CLASP2: variants seen among roughly 807,000 people sequenced by gnomAD.
CLASP2 encodes the protein CLIP-associating protein 2.
Under a neutral mutation model 194.4 loss-of-function variants are expected in CLASP2, and 47 were observed. The ratio of observed to expected loss-of-function variants is 0.24; its 90% CI spans 0.19 to 0.31. The LOEUF (loss-of-function observed/expected upper bound fraction) is 0.31. Among genes scored for constraint, CLASP2 ranks in the 10% least tolerant of loss-of-function variants. The pLI is 1.00. For synonymous variants in CLASP2, 619 were observed against 633.5 expected, an observed-to-expected ratio of 0.98 and a Z score of 0.34; for missense variants, 1,445 against 1,823.6, an observed-to-expected ratio of 0.79 and a Z score of 3.78.
intron 18 of CLASP2, 50 bp downstream of exon 18, chr3:33,602,902 A>C: frequency 3.3e-6 from 5 of 1,519,276 alleles, no homozygotes; most frequent in African/African-American, 1.4e-5. Flanking sequence ...TTGTCTTCAC[A>C]GAGATCAGGG....
intron 3 of CLASP2, 42 bp from the exon 4 acceptor site, chr3:33,688,410 T>C: frequency 7.5e-7 from 1 of 1,331,396 alleles, no homozygotes; most frequent in Admixed American, 2.2e-5. Context: ...AAAAACTAAA[T>C]TATTCATGTT....
At chr3:33,506,277 C>T (rs2048143477) in intron 37 of CLASP2, among the ~76,000 whole-genome samples, 1 of 142,842 alleles carries the variant, frequency 7.0e-6, no homozygotes, top group African/African-American at 2.6e-5. Flanking sequence ...ACTCAGGAGG[C>T]TGAGACAGGA....
chr3:33,507,193 TC>T (rs2048503819), intron 37 of CLASP2, among the ~76,000 whole-genome samples: 1 of 152,228 alleles, frequency 6.6e-6, no homozygotes. Flanking sequence ...TGCCTCAGCT[TC>T]CCAGAGTGCT....
intron 37 of CLASP2, chr3:33,504,375 G>A (rs750228626): frequency 6.6e-6 from 1 of 152,102 alleles, no homozygotes; most frequent in Non-Finnish European, 1.5e-5. Flanking sequence ...TACGGTATGT[G>A]GTCACTGAAG....
intron 21 of CLASP2, chr3:33,588,757 G>T: frequency 1.4e-6 from 1 of 701,958 alleles, no homozygotes. Flanking sequence ...GGCAGAATTA[G>T]GGTAAGGATT....
chr3:33,539,142 T>G (rs928932159), intron 32 of CLASP2, among the ~76,000 whole-genome samples, 200 bp from the exon 33 acceptor site: 1 of 152,196 alleles, frequency 6.6e-6, no homozygotes, highest in South Asian at 2.1e-4. Flanking sequence ...CACCTTACAG[T>G]TACTCTAGAA....
chr3:33,534,189 A>G (rs1040095483), intron 34 of CLASP2, among the ~76,000 whole-genome samples: 2 of 152,198 alleles, frequency 1.3e-5, no homozygotes, highest in African/African-American at 4.8e-5. Flanking sequence ...GTATAGTTAT[A>G]TATTACTATA....
At position 33,497,234 on chromosome 3, in the gene CLASP2, TAAAC is replaced by T. The variant is rs1269595443; in HGVS notation, c.*1393_*1396del. 2 of 152,504 alleles carry T rather than the reference TAAAC, an allele frequency of 1.3e-5. No homozygotes were observed. The highest frequency in any genetic ancestry group is 2.9e-5 in the Non-Finnish European group (2 of 68,010). The allele number at this position is 152,504 out of a possible 1,614,324, so 9.4% of individuals were successfully genotyped here. ...CATATATTTCTACATTTTTTTCAGT[TAAAC>T]AAAGTACAGATAACTCTGCAACAAT... On this transcript the variant is annotated 3_prime_UTR_variant, in exon 39 of 39. Coordinates refer to ENST00000682230, the MANE Select transcript of CLASP2 (RefSeq NM_001365631.1).
chr3:33,594,277 A>G (rs1010933500), intron 20 of CLASP2, among the ~76,000 whole-genome samples: 2 of 152,232 alleles, frequency 1.3e-5, no homozygotes, highest in Non-Finnish European at 2.9e-5. Flanking sequence ...ATAGTCATCC[A>G]CGTAAAACTT....
chr3:33,684,561 G>T, intron 5 of CLASP2, 105 bp from the exon 6 acceptor site: 1 of 625,522 alleles, frequency 1.6e-6, no homozygotes, highest in Non-Finnish European at 2.6e-6. Context: ...GCTCTAAGTG[G>T]ATTTTAATGC....
intron 34 of CLASP2, among the ~76,000 whole-genome samples, chr3:33,526,796 C>A (rs2054683321): frequency 6.6e-6 from 1 of 151,962 alleles, no homozygotes; most frequent in Admixed American, 6.6e-5. Flanking sequence ...GACCACAGCA[C>A]AATAAAAATA....
intron 18 of CLASP2, among the ~76,000 whole-genome samples, chr3:33,601,977 T>C (rs1188590313): frequency 6.6e-6 from 1 of 152,104 alleles, no homozygotes; most frequent in Non-Finnish European, 1.5e-5. Context: ...TGAGCATCCC[T>C]AGGCATTGCT....
At chr3:33,631,158 A>T (rs957782693) in intron 9 of CLASP2, among the ~76,000 whole-genome samples, 1 of 152,182 alleles carries the variant, frequency 6.6e-6, no homozygotes, top group Admixed American at 6.5e-5. Context: ...TTTCAAATAG[A>T]CATGCTAAAG....
intron 9 of CLASP2, among the ~76,000 whole-genome samples, chr3:33,632,009 T>C (rs2079180834): frequency 1.3e-5 from 2 of 152,204 alleles, no homozygotes; most frequent in Non-Finnish European, 2.9e-5. Flanking sequence ...ACTTCTATCA[T>C]CAACTAATCT....
At chr3:33,565,796 A>G (rs2062627236) in intron 27 of CLASP2, among the ~76,000 whole-genome samples, 3 of 151,886 alleles carry the variant, frequency 2.0e-5, no homozygotes, top group African/African-American at 7.2e-5. Flanking sequence ...TGGGTGAAAG[A>G]GCGAGACTCC....
At chr3:33,607,869 C>T (rs1464558680) in intron 14 of CLASP2, among the ~76,000 whole-genome samples, 1 of 152,046 alleles carries the variant, frequency 6.6e-6, no homozygotes, top group East Asian at 1.9e-4. Context: ...ATAGTAGCTG[C>T]CACAGAAGAA....
chr3:33,663,799 C>T lies in CLASP2; in HGVS notation c.645-284G>A, dbSNP rs114199290. ...TCTCATGTTTCATCATAAAATCATT[C>T]CTCCAAATCCATCAAAAATATCCTA... is the stretch of plus-strand genomic sequence containing the variant. On this transcript the variant is annotated intron_variant, in intron 6 of 38. Coordinates refer to ENST00000682230, the MANE Select transcript of CLASP2 (RefSeq NM_001365631.1). 9.7e-3 allele frequency among the ~76,000 whole-genome samples: 1,477 copies of T among 152,154 alleles called. 14 individuals carry two copies. The highest frequency in any genetic ancestry group is 0.027 in the African/African-American group (1,113 of 41,536).
At chr3:33,589,055 T>C (rs2068055038) in intron 21 of CLASP2, among the ~76,000 whole-genome samples, 1 of 152,122 alleles carries the variant, frequency 6.6e-6, no homozygotes, top group African/African-American at 2.4e-5. Flanking sequence ...AATCATTAAA[T>C]GTTTTCATTA....
chr3:33,500,607 A>G (rs2046623196), intron 38 of CLASP2, among the ~76,000 whole-genome samples: 1 of 151,838 alleles, frequency 6.6e-6, no homozygotes, highest in African/African-American at 2.4e-5. Context: ...ATCTGAATGC[A>G]TTTTTCTTAA....
Sources: gnomAD v4.1 joint callset for allele counts (sites outside exome capture counted in the v4.1 genomes callset) on GRCh38, gnomAD v4.1.1 for gene constraint, MANE v1.5 for transcripts, NCBI Gene and HGNC (gene_info 2026-07-23, HGNC 2026-07-21) for gene names.